Variants in TSPAN8 observed in about 807,000 individuals in gnomAD.
TSPAN8 encodes the protein tetraspanin-8.
TSPAN8 carries 21 observed loss-of-function variants against 32.8 expected under a neutral mutation model. The ratio of observed to expected loss-of-function variants is 0.64; its 90% CI spans 0.45 to 0.92. TSPAN8 has a LOEUF of 0.92. Among genes scored for constraint, TSPAN8 ranks in the 40% least tolerant of loss-of-function variants. The pLI is 0.00. For missense variants in TSPAN8, 269 were observed against 281.9 expected (o/e 0.95, Z 0.33); for synonymous variants, 95 against 94.6 (o/e 1.00, Z -0.03).
intron 3 of TSPAN8, among the ~76,000 whole-genome samples, chr12:71,143,891 T>G (rs904808865): frequency 1.3e-5 from 2 of 152,082 alleles, no homozygotes; most frequent in Non-Finnish European, 2.9e-5. Context: ...CACCTGCATC[T>G]CACTGAATTT....
At chr12:71,154,354 A>AATAATAATAATC (rs201799092) in intron 2 of TSPAN8, among the ~76,000 whole-genome samples, 4 of 145,338 alleles carry the variant, frequency 2.8e-5, no homozygotes, top group African/African-American at 1.0e-4. Flanking sequence ...TAATAATAAT[A>AATAATAATAATC]ATCAGAGCTC....
At chr12:71,145,009 T>C (rs946437182) in intron 2 of TSPAN8, among the ~76,000 whole-genome samples, 1 of 151,960 alleles carries the variant, frequency 6.6e-6, no homozygotes, top group Non-Finnish European at 1.5e-5. Flanking sequence ...AAAGATCTAT[T>C]ATTAGATAGA....
At chr12:71,155,361 C>T (rs1462393960) in intron 2 of TSPAN8, among the ~76,000 whole-genome samples, 2 of 151,728 alleles carry the variant, frequency 1.3e-5, no homozygotes, top group Non-Finnish European at 2.9e-5. Flanking sequence ...TTATGATTGT[C>T]GTGTGAAAAA....
chr12:71,136,756 T>C (rs1013020642), intron 6 of TSPAN8, among the ~76,000 whole-genome samples: 2 of 152,168 alleles, frequency 1.3e-5, no homozygotes, highest in Non-Finnish European at 2.9e-5. Flanking sequence ...GTCAGACAGA[T>C]CTGGGTTCAA....
chr12:71,132,929 C>T (rs3816942), intron 6 of TSPAN8, 105 bp from the exon 7 acceptor site: 583,577 of 1,320,132 alleles, frequency 0.44, 132,097 homozygotes, highest in East Asian at 0.59. Context: ...GGTTATTATG[C>T]TAAAATACCA....
At chr12:71,152,875 T>C (rs1177429099) in intron 2 of TSPAN8, among the ~76,000 whole-genome samples, 1 of 152,218 alleles carries the variant, frequency 6.6e-6, no homozygotes, top group Non-Finnish European at 1.5e-5. Context: ...TCTCAGCACA[T>C]CCAATCTCAA....
intron 2 of TSPAN8, among the ~76,000 whole-genome samples, chr12:71,150,757 G>T (rs539260167): frequency 6.6e-6 from 1 of 152,064 alleles, no homozygotes; most frequent in South Asian, 2.1e-4. Context: ...ACTGAATCAT[G>T]CGGGTGGTTC....
intron 3 of TSPAN8, among the ~76,000 whole-genome samples, chr12:71,140,511 T>C (rs1871869151): frequency 1.3e-5 from 2 of 152,176 alleles, no homozygotes; most frequent in Admixed American, 6.5e-5. Context: ...TGATATTTCA[T>C]ATCTATTTTA....
rs781163899 is a variant in TSPAN8, at chr12:71,144,204, T to C, written c.70A>G (p.Ile24Val). ...TFNFLFWLCG[I>V]LILALAIWVR... is the part of the protein sequence containing the mutation. ...CATATTGCTAATGCTAGGATCAAGA[T>C]ACCACATAGCTGCAGAAAAAAACAA... The change falls in exon 3 of 9, where the codon ATC (isoleucine) becomes GTC (valine). Residue 24 changes from isoleucine (I) to valine (V), a missense_variant. Coordinates refer to ENST00000247829, the MANE Select transcript of TSPAN8 (RefSeq NM_004616.3). 4 of 1,611,142 alleles carry C rather than the reference T, an allele frequency of 2.5e-6. No homozygotes were observed. The highest frequency in any genetic ancestry group is 1.1e-5 in the South Asian group (1 of 90,988).
chr12:71,130,079 A>G (rs1429375747), intron 7 of TSPAN8, among the ~76,000 whole-genome samples: 1 of 151,562 alleles, frequency 6.6e-6, no homozygotes, highest in Non-Finnish European at 1.5e-5. Flanking sequence ...AATCCTCCCA[A>G]GTAGCTGAGA....
At chr12:71,135,156 G>A (rs1205841488) in intron 6 of TSPAN8, among the ~76,000 whole-genome samples, 1 of 151,840 alleles carries the variant, frequency 6.6e-6, no homozygotes, top group East Asian at 1.9e-4. Flanking sequence ...TCCCAAAGAA[G>A]CATAACTTAT....
chr12:71,135,004 C>A (rs527915814), intron 6 of TSPAN8, among the ~76,000 whole-genome samples: 4 of 152,146 alleles, frequency 2.6e-5, no homozygotes, highest in Non-Finnish European at 4.4e-5. Flanking sequence ...GAAAGGGGTG[C>A]ATTCCATCAG....
chr12:71,132,862 G>A (rs773591960), intron 6 of TSPAN8, 38 bp from the exon 7 acceptor site: 1 of 1,611,416 alleles, frequency 6.2e-7, no homozygotes, highest in African/African-American at 1.3e-5. Flanking sequence ...CAGTCAGTAA[G>A]AAGATTAAAA....
chr12:71,126,614 C>A (rs189421653), intron 8 of TSPAN8, among the ~76,000 whole-genome samples: 1 of 152,000 alleles, frequency 6.6e-6, no homozygotes. Context: ...TTATAATGTA[C>A]GCCAAGACTC....
At chr12:71,137,238 C>T (rs1375038815) in intron 6 of TSPAN8, among the ~76,000 whole-genome samples, 3 of 152,132 alleles carry the variant, frequency 2.0e-5, no homozygotes, top group Non-Finnish European at 4.4e-5. Flanking sequence ...TATGATTATA[C>T]TACTGCACTC....
chr12:71,157,000 C>T (rs1398061842), intron 2 of TSPAN8: 1 of 152,136 alleles, frequency 6.6e-6, no homozygotes, highest in Non-Finnish European at 1.5e-5. Flanking sequence ...TGCTAAAATA[C>T]AAATCCTGTC....
At chr12:71,155,128 T>C (rs1191976589) in intron 2 of TSPAN8, among the ~76,000 whole-genome samples, 1 of 152,196 alleles carries the variant, frequency 6.6e-6, no homozygotes, top group Non-Finnish European at 1.5e-5. Flanking sequence ...ATATTAAAAA[T>C]GGGATACCCA....
intron 2 of TSPAN8, among the ~76,000 whole-genome samples, chr12:71,154,654 T>C (rs1247047454): frequency 6.6e-6 from 1 of 152,230 alleles, no homozygotes; most frequent in Non-Finnish European, 1.5e-5. Context: ...TTTCAGTGCT[T>C]TGGAACATCT....
chr12:71,148,510 T>A (rs760803932), intron 2 of TSPAN8, among the ~76,000 whole-genome samples: 10 of 152,230 alleles, frequency 6.6e-5, no homozygotes, highest in Non-Finnish European at 1.5e-4. Flanking sequence ...CTTCTTTCAC[T>A]GGGGTAGATC....
Sources: gnomAD v4.1 joint callset for allele counts (sites outside exome capture counted in the v4.1 genomes callset) on GRCh38, gnomAD v4.1.1 for gene constraint, MANE v1.5 for transcripts, NCBI Gene and HGNC (gene_info 2026-07-23, HGNC 2026-07-21) for gene names.